PTCHD4: variants seen among roughly 807,000 people sequenced by gnomAD.
PTCHD4 encodes patched domain containing 4, also known as patched domain-containing protein 4.
PTCHD4 carries 33 observed loss-of-function variants against 58.1 expected under a neutral mutation model. The observed-to-expected ratio is 0.57, with a 90% CI of 0.43 to 0.76. The LOEUF (loss-of-function observed/expected upper bound fraction) is 0.76, where lower values mean the gene tolerates loss of function less well. Ranked by LOEUF, PTCHD4 falls within the 30% of genes least tolerant of loss-of-function variation. PTCHD4 has a pLI of 0.00. For synonymous variants in PTCHD4, 478 were observed against 409.6 expected (o/e 1.17, Z -2.02); for missense variants, 1,058 against 1,027.1 (o/e 1.03, Z -0.41).
Position 47,922,801 on chromosome 6 carries a change from C to T in PTCHD4, c.899-42865G>A, listed in dbSNP as rs184739674. Among the ~76,000 whole-genome samples the T allele has an allele frequency of 3.9e-5, 6 of 152,270 alleles. No homozygotes were observed. The East Asian group carries it at 5.8e-4, about 15-fold the overall frequency. On this transcript the variant is annotated intron_variant, in intron 4 of 4. Coordinates refer to ENST00000339488, the MANE Select transcript of PTCHD4 (RefSeq NM_001384253.1). The stretch of plus-strand genomic sequence containing the variant: ...GAGCTCAGTCCCTTGGATTCAGTAG[C>T]GAGTATTATTCTTGTTACTGGTTTT...
intron 3 of PTCHD4, among the ~76,000 whole-genome samples, chr6:48,058,045 G>A (rs548779856): frequency 4.6e-5 from 7 of 152,340 alleles, no homozygotes; most frequent in African/African-American, 1.7e-4. Context: ...CTGAGCATTG[G>A]TAATCTGTTA....
chr6:48,016,334 A>G (rs114313744), intron 3 of PTCHD4, among the ~76,000 whole-genome samples: 2,698 of 152,124 alleles, frequency 0.018, 47 homozygotes, highest in South Asian at 0.045. Flanking sequence ...CCTTCAATAC[A>G]AATCCATTGA....
At chr6:47,995,679 T>G (rs1174040757) in intron 4 of PTCHD4, among the ~76,000 whole-genome samples, 1 of 152,190 alleles carries the variant, frequency 6.6e-6, no homozygotes, top group South Asian at 2.1e-4. Flanking sequence ...TATCTTGGCA[T>G]CTTACTTAGT....
At chr6:48,108,156 G>A (rs951899031) in intron 1 of PTCHD4, among the ~76,000 whole-genome samples, 6 of 152,176 alleles carry the variant, frequency 3.9e-5, no homozygotes, top group Admixed American at 1.3e-4. Context: ...GCACATGTAC[G>A]TTTATTGCAG....
At chr6:48,066,099 CT>C (rs1554178100) in intron 3 of PTCHD4, among the ~76,000 whole-genome samples, 533 of 131,142 alleles carry the variant, frequency 4.1e-3, no homozygotes, top group South Asian at 7.1e-3. Context: ...CTGACATCTA[CT>C]TTTTTTTTTT....
At chr6:48,048,840 G>A (rs943285208) in intron 3 of PTCHD4, among the ~76,000 whole-genome samples, 5 of 151,958 alleles carry the variant, frequency 3.3e-5, no homozygotes, top group African/African-American at 1.2e-4. Context: ...TTTCCTCAGT[G>A]GAGAATATAT....
intron 4 of PTCHD4, among the ~76,000 whole-genome samples, chr6:47,955,328 A>T (rs772337213): frequency 9.8e-5 from 15 of 152,364 alleles, no homozygotes; most frequent in South Asian, 2.1e-4. Context: ...ATTTGGGCAG[A>T]TGAGAAGAAT....
intron 4 of PTCHD4, among the ~76,000 whole-genome samples, chr6:47,909,175 AATT>A (rs1331901837): frequency 6.6e-6 from 1 of 152,180 alleles, no homozygotes; most frequent in Non-Finnish European, 1.5e-5. Context: ...CTGAGATAAA[AATT>A]ATTATTGTAA....
At chr6:47,960,592 G>A (rs1158665782) in intron 4 of PTCHD4, among the ~76,000 whole-genome samples, 1 of 151,928 alleles carries the variant, frequency 6.6e-6, no homozygotes, top group Non-Finnish European at 1.5e-5. Context: ...TCAATGTAAA[G>A]AATACCACCA....
At position 47,875,481 on chromosome 6, in the gene PTCHD4, T is replaced by C. The variant is rs1432127010; in HGVS notation, c.*2822A>G. ...GATTAAATTACTTCCTAGGACTGCA[T>C]TAAGACACTTTAGGTGGTATATTAA... On this transcript the variant is annotated 3_prime_UTR_variant, in exon 5 of 5. Transcript: ENST00000339488. 2.0e-5 allele frequency among the ~76,000 whole-genome samples: 3 copies of C among 151,826 alleles called. No homozygotes were observed. The East Asian group carries it at 5.8e-4, about 29-fold the overall frequency.
chr6:47,951,550 G>T (rs1219715228), intron 4 of PTCHD4, among the ~76,000 whole-genome samples: 2 of 152,148 alleles, frequency 1.3e-5, no homozygotes, highest in African/African-American at 4.8e-5. Flanking sequence ...ATCTGGAAAT[G>T]ATATTTTCAG....
chr6:48,001,458 A>G (rs941225522), intron 4 of PTCHD4, among the ~76,000 whole-genome samples: 2 of 152,236 alleles, frequency 1.3e-5, no homozygotes, highest in Admixed American at 6.5e-5. Context: ...AATGCCACAT[A>G]TCTACAACCA....
chr6:47,982,590 G>C (rs1054594186), intron 4 of PTCHD4, among the ~76,000 whole-genome samples: 4 of 149,846 alleles, frequency 2.7e-5, no homozygotes, highest in Non-Finnish European at 4.4e-5. Context: ...CCGGGTTCAC[G>C]CCATTCTCCT....
intron 3 of PTCHD4, among the ~76,000 whole-genome samples, chr6:48,059,245 T>A: frequency 6.6e-6 from 1 of 152,174 alleles, no homozygotes; most frequent in East Asian, 1.9e-4. Context: ...GATTCTTAGA[T>A]GATTATTAGA....
At chr6:47,975,806 G>A (rs562662004) in intron 4 of PTCHD4, among the ~76,000 whole-genome samples, 4 of 152,266 alleles carry the variant, frequency 2.6e-5, no homozygotes, top group African/African-American at 7.2e-5. Context: ...AGTGCATAGT[G>A]TGCTTCTTCA....
At position 48,068,635 on chromosome 6, in the gene PTCHD4, C is replaced by A. The variant is rs372163404; in HGVS notation, c.12G>T (p.Pro4=). The change falls in exon 3 of 5, where the codon CCG becomes CCT. Residue 4 remains proline (P), a synonymous_variant. Coordinates refer to ENST00000339488, the MANE Select transcript of PTCHD4 (RefSeq NM_001384253.1). The surrounding 1 kb of genome is among the most constrained non-coding windows in gnomAD (Gnocchi z 4.2). ...ACCAGATCCAGCTCGCAGGCGCTCC[C>A]GGCCGTCTTAAAAAGCACATGTGAC... is the stretch of plus-strand genomic sequence containing the variant. MRR[P]GAPASWIWWR... is the part of the protein sequence containing the mutation. 11 of 1,549,702 alleles carry A rather than the reference C, an allele frequency of 7.1e-6. No individual in the cohort carries two copies. In the African/African-American group the frequency reaches 1.4e-4, roughly 19 times the overall value.
intron 3 of PTCHD4, among the ~76,000 whole-genome samples, chr6:48,061,103 C>T (rs937782387): frequency 6.6e-5 from 10 of 152,186 alleles, no homozygotes; most frequent in African/African-American, 2.4e-4. Flanking sequence ...GTATGGTTCC[C>T]ATATCTTGCG....
At chr6:47,951,804 T>C (rs954533979) in intron 4 of PTCHD4, among the ~76,000 whole-genome samples, 3 of 151,992 alleles carry the variant, frequency 2.0e-5, no homozygotes, top group African/African-American at 7.2e-5. Flanking sequence ...TAGATTAATT[T>C]ACATATGAAT....
chr6:48,007,827 T>C (rs1762507125), intron 4 of PTCHD4, among the ~76,000 whole-genome samples: 1 of 152,056 alleles, frequency 6.6e-6, no homozygotes, highest in Non-Finnish European at 1.5e-5. Context: ...CCAACAGCTA[T>C]CACTATCATC....
Sources: gnomAD v4.1 joint callset for allele counts (sites outside exome capture counted in the v4.1 genomes callset) on GRCh38, gnomAD v4.1.1 for gene constraint, Gnocchi (gnomAD v3.1) non-coding constraint, MANE v1.5 for transcripts, NCBI Gene and HGNC (gene_info 2026-07-23, HGNC 2026-07-21) for gene names.